The following ELN variants were observed in gnomAD, a reference collection of about 807,000 sequenced individuals.
ELN encodes the protein tropoelastin.
A neutral mutation model predicts 105.8 loss-of-function variants in ELN; 65 were observed. That is an observed-to-expected ratio of 0.61 (90% CI 0.50 to 0.75). The LOEUF (loss-of-function observed/expected upper bound fraction) is 0.75, where lower values mean the gene tolerates loss of function less well. Ranked by LOEUF, ELN falls within the 30% of genes least tolerant of loss-of-function variation. ELN has a pLI of 0.00. For missense variants in ELN, 882 were observed against 969.4 expected (o/e 0.91, Z 1.20); for synonymous variants, 368 against 389.2 (o/e 0.95, Z 0.64).
intron 11 of ELN, 74 bp downstream of exon 11, chr7:74,046,291 C>T (rs1056068537): frequency 1.1e-5 from 17 of 1,603,022 alleles, no homozygotes; most frequent in African/African-American, 4.0e-5. Flanking sequence ...GGTTGGGCAC[C>T]CAAGATCCCA....
chr7:74,057,559 A>G, intron 21 of ELN, 81 bp from the exon 22 acceptor site: 1 of 1,608,632 alleles, frequency 6.2e-7, no homozygotes, highest in Non-Finnish European at 8.5e-7. Flanking sequence ...CATTTTACAA[A>G]TGGGAAGACT....
chr7:74,061,028 C>G, intron 25 of ELN, 73 bp from the exon 26 acceptor site: 1 of 1,588,770 alleles, frequency 6.3e-7, no homozygotes, highest in Non-Finnish European at 8.6e-7. Flanking sequence ...GGAGGGCTCT[C>G]TAGAGGAGGC....
At chr7:74,050,559 A>G (rs111325635) in intron 15 of ELN, among the ~76,000 whole-genome samples, 7 of 152,166 alleles carry the variant, frequency 4.6e-5, no homozygotes, top group African/African-American at 1.7e-4. Flanking sequence ...CCATCCATCC[A>G]TCCATTCCTC....
chr7:74,061,096 C>T lies in ELN; in HGVS notation c.1748-5C>T, dbSNP rs1196196585. On this transcript the variant is annotated splice_region_variant and splice_polypyrimidine_tract_variant and intron_variant, in intron 25 of 32. Coordinates refer to ENST00000252034, the MANE Select transcript of ELN (RefSeq NM_000501.4). ...GACCACTCCCCAACTTTTCTTTCTC[C>T]CCAGTACCTGGAGCCCTGGCTGCCG... 3 of 1,614,024 alleles carry T rather than the reference C, an allele frequency of 1.9e-6. No homozygotes were observed. Among genetic ancestry groups the T allele is most frequent in the African/African-American group, 2.7e-5 (2 of 74,938 alleles).
intron 21 of ELN, among the ~76,000 whole-genome samples, chr7:74,057,010 G>T (rs1795391110): frequency 6.6e-6 from 1 of 152,128 alleles, no homozygotes; most frequent in Non-Finnish European, 1.5e-5. Context: ...GGCCAAGGCA[G>T]GTGGATCCCT....
At chr7:74,041,362 C>CAGTGCCCAGGACGGAA in intron 5 of ELN, 111 bp downstream of exon 5, 1 of 1,399,326 alleles carries the variant, frequency 7.1e-7, no homozygotes, top group Non-Finnish European at 1.0e-6. Context: ...CAGGTTCCGT[C>CAGTGCCCAGGACGGAA]CTGGGCACTG....
At chr7:74,058,042 C>T in intron 22 of ELN, among the ~76,000 whole-genome samples, 1 of 151,742 alleles carries the variant, frequency 6.6e-6, no homozygotes, top group East Asian at 2.0e-4. Flanking sequence ...CCTTCTTCTT[C>T]TTGTGCTCCT....
intron 17 of ELN, 168 bp from the exon 18 acceptor site, chr7:74,052,995 C>T (rs1794435284): frequency 3.2e-6 from 3 of 933,308 alleles, no homozygotes; most frequent in South Asian, 1.5e-5. Flanking sequence ...TAGGGACCCT[C>T]TTAGTCTCTC....
chr7:74,047,542 T>A, intron 12 of ELN, 133 bp from the exon 13 acceptor site: 1 of 1,278,678 alleles, frequency 7.8e-7, no homozygotes, highest in Admixed American at 1.7e-5. Flanking sequence ...TTTGCTCTCC[T>A]GGGAGCAGCT....
At chr7:74,066,689 T>C (rs1554689527) in intron 31 of ELN, 43 bp from the exon 32 acceptor site, 4 of 1,610,600 alleles carry the variant, frequency 2.5e-6, no homozygotes, top group African/African-American at 1.3e-5. Context: ...CTGGAGTCAG[T>C]TTCCACCCCT....
rs1792997345 is a variant in ELN at position 74,048,123 on chromosome 7, A to C, written c.686-19A>C. 2.5e-6 allele frequency: 4 copies of C among 1,613,892 alleles called. No individual in the cohort carries two copies. Among genetic ancestry groups the C allele is most frequent in the Non-Finnish European group, 3.4e-6 (4 of 1,179,958 alleles). On this transcript the variant is annotated intron_variant, in intron 13 of 32. Coordinates refer to ENST00000252034, the MANE Select transcript of ELN (RefSeq NM_000501.4). ...GGTGATGTCTGCACAGATGACCATC[A>C]AGCCTCTCTGTTTTGCAGGCTATGG...
intron 4 of ELN, among the ~76,000 whole-genome samples, chr7:74,039,121 T>C (rs1790605688): frequency 1.3e-5 from 2 of 152,152 alleles, no homozygotes; most frequent in Non-Finnish European, 2.9e-5. Context: ...CATTCATTGA[T>C]CCCACTAGGA....
Position 74,065,688 on chromosome 7 carries a change from C to T in ELN, c.1994-6C>T. 3 of 1,613,832 alleles carry T rather than the reference C, an allele frequency of 1.9e-6. No homozygotes were observed. The highest frequency in any genetic ancestry group is 2.5e-6 in the Non-Finnish European group (3 of 1,179,986). Reference sequence around the variant, plus strand: ...TCCTGAGCCGTCATGTGCCTCATCTCCCCAGGTATACCTCCAGCTGCAGCC... The same window carrying T: ...TCCTGAGCCGTCATGTGCCTCATCTTCCCAGGTATACCTCCAGCTGCAGCC... On this transcript the variant is annotated splice_region_variant and splice_polypyrimidine_tract_variant and intron_variant, in intron 29 of 32. Transcript: ENST00000252034.
In ELN at chr7:74,031,122, G is replaced by T. The variant is rs55988378; in HGVS notation, c.82+2853G>T. Among the ~76,000 whole-genome samples, 682 of 152,324 alleles carry T rather than the reference G, an allele frequency of 4.5e-3. 3 individuals are homozygous for T. Among genetic ancestry groups the T allele is most frequent in the Non-Finnish European group, 7.0e-3 (476 of 68,026 alleles). On this transcript the variant is annotated intron_variant, in intron 1 of 32. Transcript: ENST00000252034. ...TGGCCCCAGGCTCGCTCCCAAACAG[G>T]CTGCTTCCAGCTCTTTGAACCTGGA... is the stretch of plus-strand genomic sequence containing the variant.
intron 17 of ELN, 68 bp from the exon 18 acceptor site, chr7:74,053,094 CT>C: frequency 6.2e-7 from 1 of 1,611,448 alleles, no homozygotes; most frequent in South Asian, 1.1e-5. Context: ...CTTCCATACT[CT>C]ACTAACCACC....
chr7:74,063,681 T>C lies in ELN; in HGVS notation c.1979T>C (p.Val660Ala), dbSNP rs1049947373. The change falls in exon 29 of 33, where the codon GTT becomes GCT. Residue 660 changes from valine (V) to alanine (A), a missense_variant. Val to Ala is a moderately conservative substitution (Grantham distance 64, BLOSUM62 0). Transcript: ENST00000252034. The surrounding 1 kb of genome is among the most constrained non-coding windows in gnomAD (Gnocchi z 4.1). ...GTCGGAGGGCTTGGAGTTCCAGGTG[T>C]TGGGGGCCTTGGAGGTGAGAGTTGT... ...LGVGGLGVPG[V>A]GGLGGIPPAA... 6.2e-7 allele frequency: 1 copy of C among 1,614,012 alleles called. No individual in the cohort carries two copies. Among genetic ancestry groups the C allele is most frequent in the Non-Finnish European group, 8.5e-7 (1 of 1,179,972 alleles).
In ELN at chr7:74,063,095, G is replaced by A; in HGVS notation, c.1787-58G>A. The A allele has an allele frequency of 6.4e-7, 1 of 1,557,482 alleles. No individual in the cohort carries two copies. The highest frequency in any genetic ancestry group is 2.4e-5 in the East Asian group (1 of 42,490). On this transcript the variant is annotated intron_variant, in intron 26 of 32. Coordinates refer to ENST00000252034, the MANE Select transcript of ELN (RefSeq NM_000501.4). This position sits in a 1 kb window ranked among gnomAD's most constrained non-coding sequence, Gnocchi z 4.1. The stretch of plus-strand genomic sequence containing the variant: ...CCTGTCTGCTTGCCTTGTGTCCCTG[G>A]GGCAGGGAGACCCATCGTTCAGAAA...
chr7:74,034,574 G>A (rs1323781206), intron 1 of ELN, among the ~76,000 whole-genome samples: 5 of 152,194 alleles, frequency 3.3e-5, no homozygotes, highest in South Asian at 2.1e-4. Context: ...ATGTGGAGGT[G>A]CACGCCTGTA....
chr7:74,043,595 A>G, intron 8 of ELN: 1 of 638,156 alleles, frequency 1.6e-6, no homozygotes, highest in South Asian at 1.7e-5. Flanking sequence ...GAGTCTACGC[A>G]GCAGGGAGGG....
Sources: allele counts gnomAD v4.1 joint callset (sites outside exome capture counted in the v4.1 genomes callset), GRCh38; gene constraint gnomAD v4.1.1; non-coding constraint Gnocchi (gnomAD v3.1); transcripts MANE v1.5; gene names NCBI Gene and HGNC (gene_info 2026-07-23, HGNC 2026-07-21).